PTPRN2: variants seen among roughly 807,000 people sequenced by gnomAD.
PTPRN2 encodes receptor-type tyrosine-protein phosphatase N2.
Under a neutral mutation model 118.8 loss-of-function variants are expected in PTPRN2, and 74 were observed. The ratio of observed to expected loss-of-function variants is 0.62; its 90% CI spans 0.52 to 0.76. The LOEUF (loss-of-function observed/expected upper bound fraction) is 0.76. PTPRN2 is among the 30% of genes least tolerant of loss of function. PTPRN2 has a pLI of 0.00. For synonymous variants in PTPRN2, 641 were observed against 608.0 expected, an observed-to-expected ratio of 1.05 and a Z score of -0.80; for missense variants, 1,481 against 1,394.4, an observed-to-expected ratio of 1.06 and a Z score of -0.99.
chr7:158,564,129 G>C (rs1353274689), intron 1 of PTPRN2, among the ~76,000 whole-genome samples: 1 of 152,216 alleles, frequency 6.6e-6, no homozygotes, highest in Non-Finnish European at 1.5e-5. Flanking sequence ...TCTAGGGACT[G>C]TCCCGTACCT....
rs747021857 is a variant in PTPRN2 at position 158,587,568 on chromosome 7, C to T, written c.102G>A (p.Pro34=). The change falls in exon 1 of 23, where the codon CCG becomes CCA. Residue 34 remains proline (P), a synonymous_variant. Coordinates refer to ENST00000389418, the MANE Select transcript of PTPRN2 (RefSeq NM_002847.5). The part of the protein sequence containing the change: ...PSSVPRGRQL[P]GRLGCLLEEG... ...GCGCCCCCCACTCACCCAGACGCCCCGGGAGCTGCCGGCCGCGGGGGACGG... is the reference window on the plus strand; with the variant it reads ...GCGCCCCCCACTCACCCAGACGCCCTGGGAGCTGCCGGCCGCGGGGGACGG... The T allele has an allele frequency of 6.0e-6, 8 of 1,334,806 alleles. No homozygotes were observed. Among genetic ancestry groups the T allele is most frequent in the Admixed American group, 3.9e-5 (1 of 25,870 alleles). The allele number at this position is 1,334,806 out of a possible 1,614,324, so 82.7% of individuals were successfully genotyped here. A position where few individuals can be genotyped will look rare whatever the true frequency, so the allele number is the denominator to read the frequency against.
chr7:157,911,890 T>A (rs1318603810), intron 11 of PTPRN2, among the ~76,000 whole-genome samples: 2 of 152,204 alleles, frequency 1.3e-5, no homozygotes, highest in African/African-American at 4.8e-5. Flanking sequence ...GAGACTCAGA[T>A]TCGGTTTTGC....
At chr7:158,210,845 C>T (rs113835935) in intron 3 of PTPRN2, among the ~76,000 whole-genome samples, 5,273 of 152,148 alleles carry the variant, frequency 0.035, 320 homozygotes, top group African/African-American at 0.12. Context: ...CAAAGAAAAG[C>T]CTGGGACTTG....
At chr7:158,475,391 C>A (rs1370166307) in intron 2 of PTPRN2, among the ~76,000 whole-genome samples, 5 of 152,186 alleles carry the variant, frequency 3.3e-5, no homozygotes. Flanking sequence ...GATTCAGGCA[C>A]CCCCGGCCAC....
intron 3 of PTPRN2, among the ~76,000 whole-genome samples, chr7:158,288,151 T>C (rs1799881434): frequency 6.6e-6 from 1 of 152,148 alleles, no homozygotes; most frequent in Non-Finnish European, 1.5e-5. Flanking sequence ...TGAAATATCT[T>C]TTTCATCCCT....
At chr7:158,228,152 CTTG>C (rs1185649844) in intron 3 of PTPRN2, among the ~76,000 whole-genome samples, 3 of 152,176 alleles carry the variant, frequency 2.0e-5, no homozygotes, top group East Asian at 1.9e-4. Flanking sequence ...ATAAATCAGT[CTTG>C]TTGTTATATG....
intron 12 of PTPRN2, among the ~76,000 whole-genome samples, chr7:157,768,847 T>C (rs1802634998): frequency 6.6e-6 from 1 of 152,212 alleles, no homozygotes; most frequent in Non-Finnish European, 1.5e-5. Context: ...CACAGTGCCA[T>C]GGCACCTATG....
chr7:157,751,968 G>A (rs1167571031), intron 12 of PTPRN2, among the ~76,000 whole-genome samples: 1 of 152,018 alleles, frequency 6.6e-6, no homozygotes. Context: ...ACTTGCAGTT[G>A]CCCTGGACAG....
In PTPRN2 at chr7:158,555,622, A is replaced by G. The variant is rs1253352010; in HGVS notation, c.112+31936T>C. On this transcript the variant is annotated intron_variant, in intron 1 of 22. Coordinates refer to ENST00000389418, the MANE Select transcript of PTPRN2 (RefSeq NM_002847.5). The surrounding 1 kb of genome is among the most constrained non-coding windows in gnomAD (Gnocchi z 4.7). Reference sequence around the variant, plus strand: ...CTGTCCCCCAGACCCAGCCTCCCTCAGCTCCCATGGCAGGGTTAGGGGCAC... The same window carrying G: ...CTGTCCCCCAGACCCAGCCTCCCTCGGCTCCCATGGCAGGGTTAGGGGCAC... 2.6e-5 allele frequency among the ~76,000 whole-genome samples: 4 copies of G among 152,138 alleles called. No homozygotes were observed. Among genetic ancestry groups the G allele is most frequent in the South Asian group, 4.1e-4 (2 of 4,824 alleles).
intron 12 of PTPRN2, among the ~76,000 whole-genome samples, chr7:157,790,914 A>G (rs921121637): frequency 6.6e-6 from 1 of 152,244 alleles, no homozygotes; most frequent in Admixed American, 6.5e-5. Context: ...AATGATTAAA[A>G]AATCAAAAGT....
At chr7:157,750,962 C>G (rs928824092) in intron 12 of PTPRN2, among the ~76,000 whole-genome samples, 10 of 152,234 alleles carry the variant, frequency 6.6e-5, no homozygotes, top group African/African-American at 2.4e-4. Context: ...GCCGTGGAAC[C>G]TTCTGGCCGC....
chr7:158,265,714 G>A (rs1797827322), intron 3 of PTPRN2, among the ~76,000 whole-genome samples: 1 of 152,228 alleles, frequency 6.6e-6, no homozygotes, highest in Admixed American at 6.5e-5. Flanking sequence ...ACACAGCGTG[G>A]CATTTGATGA....
At chr7:157,840,782 G>A (rs1808362858) in intron 12 of PTPRN2, among the ~76,000 whole-genome samples, 1 of 152,250 alleles carries the variant, frequency 6.6e-6, no homozygotes, top group Non-Finnish European at 1.5e-5. Context: ...AGGGGGACAG[G>A]TTGTTTCTTC....
chr7:158,095,891 T>G (rs1814590255), intron 10 of PTPRN2, among the ~76,000 whole-genome samples: 1 of 152,152 alleles, frequency 6.6e-6, no homozygotes, highest in Admixed American at 6.5e-5. Context: ...AGATAAAAGA[T>G]TCAAGTCCTA....
At chr7:158,040,529 C>A (rs114350454) in intron 11 of PTPRN2, among the ~76,000 whole-genome samples, 2,267 of 152,144 alleles carry the variant, frequency 0.015, 61 homozygotes, top group African/African-American at 0.052. Context: ...TAGAAAAGCA[C>A]GGAGAGAATT....
chr7:157,907,383 G>T (rs932922155), intron 11 of PTPRN2, among the ~76,000 whole-genome samples: 10 of 150,340 alleles, frequency 6.7e-5, no homozygotes, highest in Non-Finnish European at 1.3e-4. Flanking sequence ...GTCCCGGGTG[G>T]CAGTATCTCC....
intron 11 of PTPRN2, among the ~76,000 whole-genome samples, chr7:158,005,415 T>C (rs897046431): frequency 2.0e-5 from 3 of 152,066 alleles, no homozygotes; most frequent in African/African-American, 7.2e-5. Context: ...GTGGCGAATA[T>C]GGAAAGGTTA....
At chr7:157,750,906 G>C (rs1017589497) in intron 12 of PTPRN2, among the ~76,000 whole-genome samples, 1 of 152,258 alleles carries the variant, frequency 6.6e-6, no homozygotes, top group Non-Finnish European at 1.5e-5. Context: ...GGGCCAGCTC[G>C]GCACCATCGG....
intron 1 of PTPRN2, among the ~76,000 whole-genome samples, chr7:158,496,149 G>T (rs927510094): frequency 1.3e-5 from 2 of 151,776 alleles, no homozygotes; most frequent in African/African-American, 4.8e-5. Flanking sequence ...GGGACTGACT[G>T]CTTCCCTGAA....
Sources: gnomAD v4.1 joint callset for allele counts (sites outside exome capture counted in the v4.1 genomes callset) on GRCh38, gnomAD v4.1.1 for gene constraint, Gnocchi (gnomAD v3.1) non-coding constraint, MANE v1.5 for transcripts, NCBI Gene and HGNC (gene_info 2026-07-23, HGNC 2026-07-21) for gene names.